The following GRIN2B variants were observed in gnomAD, a reference collection of about 807,000 sequenced individuals.
The protein encoded by GRIN2B is glutamate receptor ionotropic, NMDA 2B.
In GRIN2B, 5 loss-of-function variants were observed where a neutral mutation model predicts 114.5. The observed-to-expected ratio is 0.04, with a 90% CI of 0.02 to 0.09. The LOEUF is 0.09. Among genes scored for constraint, GRIN2B ranks in the 10% least tolerant of loss-of-function variants. The probability of loss-of-function intolerance (pLI) is 1.00; values close to 1 mark genes in which losing one functional copy is unlikely to be tolerated. For synonymous variants in GRIN2B, 787 were observed against 745.1 expected (o/e 1.06, Z -0.92); for missense variants, 1,108 against 1,943.5 (o/e 0.57, Z 8.08).
chr12:13,745,664 T>C (rs574110366), intron 4 of GRIN2B, among the ~76,000 whole-genome samples: 3 of 152,314 alleles, frequency 2.0e-5, no homozygotes, highest in African/African-American at 7.2e-5. Flanking sequence ...AAGACATGCA[T>C]TGAAAGGGTT....
In GRIN2B at chr12:13,945,482, A is replaced by G. The variant is rs570813296; in HGVS notation, c.-19+34446T>C. On this transcript the variant is annotated intron_variant, in intron 2 of 13. Transcript: ENST00000609686. ...ATTTAGGAGCTACCTACCGCTGTTG[A>G]TACGAGAACCTTGGTCTTACCTGGC... 3.9e-5 allele frequency among the ~76,000 whole-genome samples: 6 copies of G among 152,284 alleles called. No individual in the cohort carries two copies. The East Asian group carries it at 1.2e-3, about 29-fold the overall frequency.
rs892340103 is a variant in GRIN2B at position 13,734,228 on chromosome 12, A to G, written c.1010+19089T>C. Among the ~76,000 whole-genome samples the G allele has an allele frequency of 3.3e-5, 5 of 152,210 alleles. No individual in the cohort carries two copies. The East Asian group carries it at 7.7e-4, about 23-fold the overall frequency. On this transcript the variant is annotated intron_variant, in intron 4 of 13. Coordinates refer to ENST00000609686, the MANE Select transcript of GRIN2B (RefSeq NM_000834.5). ...AGTAGATGATTTTGTGATATTCAAGATATGGGAAATAGAGCAGCTTGTTAT... is the reference window on the plus strand; with the variant it reads ...AGTAGATGATTTTGTGATATTCAAGGTATGGGAAATAGAGCAGCTTGTTAT...
At chr12:13,945,013 A>C (rs192262936) in intron 2 of GRIN2B, among the ~76,000 whole-genome samples, 1 of 152,304 alleles carries the variant, frequency 6.6e-6, no homozygotes, top group Admixed American at 6.5e-5. Flanking sequence ...GTTTATCATA[A>C]ATCACTTCTC....
intron 3 of GRIN2B, among the ~76,000 whole-genome samples, chr12:13,784,993 T>A (rs1864198471): frequency 6.6e-6 from 1 of 152,262 alleles, no homozygotes; most frequent in African/African-American, 2.4e-5. Context: ...TATATAACAA[T>A]AGCAAACTAA....
intron 3 of GRIN2B, among the ~76,000 whole-genome samples, chr12:13,826,196 C>A (rs1237546476): frequency 6.6e-6 from 1 of 152,010 alleles, no homozygotes; most frequent in African/African-American, 2.4e-5. Flanking sequence ...CCAGGCCAGG[C>A]AAGGTGGTTC....
rs1555132947 is a variant in GRIN2B at position 13,753,351 on chromosome 12, C to T, written c.976G>A (p.Glu326Lys). The T allele has an allele frequency of 1.2e-6, 2 of 1,609,240 alleles. No homozygotes were observed. The highest frequency in any genetic ancestry group is 1.7e-6 in the Non-Finnish European group (2 of 1,175,552). ...ATATTGGACTGGTAGATTCTCTTCT[C>T]GTGGGTGTTGTAACAACTGCTTTTG... The part of the protein sequence containing the change: ...EPKSSCYNTH[E>K]KRIYQSNMLN... The change falls in exon 4 of 14, where the codon GAG becomes AAG. Residue 326 changes from glutamate to lysine, a missense_variant. Transcript: ENST00000609686. The surrounding 1 kb of genome is among the most constrained non-coding windows in gnomAD (Gnocchi z 6.2).
In GRIN2B at chr12:13,546,315, C is replaced by A. The variant is rs1191180027; in HGVS notation, c.*16468G>T. ...GTAGACAAGGTTTTGAAGAATCGAG[C>A]TACAATGCTTATCAATGTCTGTCTG... On this transcript the variant is annotated 3_prime_UTR_variant, in exon 14 of 14. Coordinates refer to ENST00000609686, the MANE Select transcript of GRIN2B (RefSeq NM_000834.5). The A allele has an allele frequency of 6.6e-5, 10 of 152,316 alleles. No individual in the cohort carries two copies. Among genetic ancestry groups the A allele is most frequent in the Non-Finnish European group, 1.5e-4 (10 of 68,024 alleles). 9.4% of individuals were successfully genotyped at this position (152,316 alleles called of 1,614,324 possible).
intron 3 of GRIN2B, among the ~76,000 whole-genome samples, chr12:13,793,209 C>A (rs1276084374): frequency 6.6e-6 from 1 of 152,108 alleles, no homozygotes; most frequent in Non-Finnish European, 1.5e-5. Context: ...GAGCTCGAGG[C>A]CAGGAGCTCG....
intron 12 of GRIN2B, among the ~76,000 whole-genome samples, chr12:13,568,825 A>C (rs1948672449): frequency 6.6e-6 from 1 of 152,206 alleles, no homozygotes; most frequent in Admixed American, 6.5e-5. Context: ...GAATATAATG[A>C]AACAGAAGAT....
chr12:13,713,910 T>C (rs1488715901), intron 4 of GRIN2B, among the ~76,000 whole-genome samples: 1 of 151,898 alleles, frequency 6.6e-6, no homozygotes, highest in Non-Finnish European at 1.5e-5. Flanking sequence ...TGTAAAGATT[T>C]TTTTTTCTTA....
chr12:13,931,421 G>T lies in GRIN2B; in HGVS notation c.-19+48507C>A, dbSNP rs557087307. On this transcript the variant is annotated intron_variant, in intron 2 of 13. Transcript: ENST00000609686. ...AGTATCCTGGTTTCTTCCTACTTCA[G>T]TGGTCAGTCTTTTCTGTCTCTCTCT... 2.0e-5 allele frequency among the ~76,000 whole-genome samples: 3 copies of T among 152,194 alleles called. No homozygotes were observed. The South Asian group carries it at 6.2e-4, about 32-fold the overall frequency.
chr12:13,605,551 T>TCTCTCTCTCTCTCTCTCTCTCTCTCACA, intron 10 of GRIN2B, among the ~76,000 whole-genome samples: 7 of 30,498 alleles, frequency 2.3e-4, no homozygotes, highest in South Asian at 1.3e-3. Context: ...TCTCTCTCTC[T>TCTCTCTCTCTCTCTCTCTCTCTCTCACA]GACACACACA....
chr12:13,954,277 C>A (rs765574840), intron 2 of GRIN2B, among the ~76,000 whole-genome samples: 4 of 152,200 alleles, frequency 2.6e-5, no homozygotes, highest in Non-Finnish European at 4.4e-5. Context: ...TAATTTGCTA[C>A]ATGATTCAAC....
At position 13,562,132 on chromosome 12, in the gene GRIN2B, A is replaced by G. The variant is rs1048725355; in HGVS notation, c.*651T>C. 8 of 152,486 alleles carry G rather than the reference A, an allele frequency of 5.2e-5. No homozygotes were observed. Among genetic ancestry groups the G allele is most frequent in the Admixed American group, 5.2e-4 (8 of 15,316 alleles). 9.4% of individuals were successfully genotyped at this position (152,486 alleles called of 1,614,324 possible). ...TACTTTCCAGTTTGTTCAAGAATCC[A>G]CTCTGCCACCAATGACCTTTTGTTC... On this transcript the variant is annotated 3_prime_UTR_variant, in exon 14 of 14. Transcript: ENST00000609686.
chr12:13,581,901 C>T (rs1005237307), intron 10 of GRIN2B, among the ~76,000 whole-genome samples: 26 of 103,550 alleles, frequency 2.5e-4, no homozygotes, highest in African/African-American at 1.1e-3. Flanking sequence ...CAGAGTGAGA[C>T]TTTGTCTCAA....
At chr12:13,959,976 G>C (rs947693735) in intron 2 of GRIN2B, among the ~76,000 whole-genome samples, 3 of 152,112 alleles carry the variant, frequency 2.0e-5, no homozygotes, top group Non-Finnish European at 4.4e-5. Flanking sequence ...ATGGACGCTT[G>C]ATTGAGGCTT....
chr12:13,694,051 T>C (rs1950237107), intron 4 of GRIN2B, among the ~76,000 whole-genome samples: 1 of 151,678 alleles, frequency 6.6e-6, no homozygotes, highest in Non-Finnish European at 1.5e-5. Context: ...CAAGGGAGAG[T>C]AATTAGGTCT....
rs1350780884 is a variant in GRIN2B at position 13,558,672 on chromosome 12, C to T, written c.*4111G>A. The stretch of plus-strand genomic sequence containing the variant: ...TTTTTGGCACTACTGACACCAGCAA[C>T]ATTTAATGGAATCATTTGGGATTTT... On this transcript the variant is annotated 3_prime_UTR_variant, in exon 14 of 14. Transcript: ENST00000609686. The T allele has an allele frequency of 1.3e-5, 2 of 152,216 alleles. No individual in the cohort carries two copies. Among genetic ancestry groups the T allele is most frequent in the Admixed American group, 1.3e-4 (2 of 15,288 alleles). The allele number at this position is 152,216 out of a possible 1,614,324, so 9.4% of individuals were successfully genotyped here.
At position 13,846,873 on chromosome 12, in the gene GRIN2B, T is replaced by C. The variant is rs143954405; in HGVS notation, c.411+18925A>G. Among the ~76,000 whole-genome samples the C allele has an allele frequency of 2.3e-4, 35 of 151,878 alleles. No individual in the cohort carries two copies. In the East Asian group the frequency reaches 6.6e-3, roughly 29 times the overall value. Reference sequence around the variant, plus strand: ...AAGGAGGGGAGGATTCCTAGGAACATTGGTAAAAATAAAAAACAATTAAGA... The same window carrying C: ...AAGGAGGGGAGGATTCCTAGGAACACTGGTAAAAATAAAAAACAATTAAGA... On this transcript the variant is annotated intron_variant, in intron 3 of 13. Coordinates refer to ENST00000609686, the MANE Select transcript of GRIN2B (RefSeq NM_000834.5).
Sources: allele counts gnomAD v4.1 joint callset (sites outside exome capture counted in the v4.1 genomes callset), GRCh38; gene constraint gnomAD v4.1.1; non-coding constraint Gnocchi (gnomAD v3.1); transcripts MANE v1.5; gene names NCBI Gene and HGNC (gene_info 2026-07-23, HGNC 2026-07-21).